The following DLGAP2 variants were observed in gnomAD, a reference collection of about 807,000 sequenced individuals.
DLGAP2 encodes DLG associated protein 2.
In DLGAP2, 26 loss-of-function variants were observed where a neutral mutation model predicts 100.3. That is an observed-to-expected ratio of 0.26 (90% CI 0.19 to 0.36). DLGAP2 has a LOEUF of 0.36. Ranked by LOEUF, DLGAP2 falls within the 10% of genes least tolerant of loss-of-function variation. DLGAP2 has a pLI of 1.00. For synonymous variants in DLGAP2, 886 were observed against 630.1 expected, an observed-to-expected ratio of 1.41 and a Z score of -6.08; for missense variants, 1,858 against 1,453.2, an observed-to-expected ratio of 1.28 and a Z score of -4.53.
intron 3 of DLGAP2, among the ~76,000 whole-genome samples, chr8:1,352,473 A>G (rs1801758642): frequency 6.6e-6 from 1 of 151,958 alleles, no homozygotes; most frequent in African/African-American, 2.4e-5. Flanking sequence ...AGCTCTTATC[A>G]CTTCCTAAAA....
rs144709901 is a variant in DLGAP2 at position 1,177,126 on chromosome 8, C to T, written c.74-81725C>T. On this transcript the variant is annotated intron_variant, in intron 2 of 14. Transcript: ENST00000637795. ...ACCTGTTATACGTGGTCTAAAAGTC[C>T]CAGCCTTCGAGTGGACGCACGCACG... 4.4e-3 allele frequency among the ~76,000 whole-genome samples: 673 copies of T among 152,216 alleles called. 9 individuals carry two copies. Among genetic ancestry groups the T allele is most frequent in the Middle Eastern group, 0.017 (5 of 294 alleles).
chr8:1,343,636 C>G (rs1218613781), intron 3 of DLGAP2, among the ~76,000 whole-genome samples: 1 of 152,186 alleles, frequency 6.6e-6, no homozygotes, highest in Admixed American at 6.5e-5. Context: ...AAATGCACGT[C>G]CTGTTTTTCC....
At chr8:959,798 A>G (rs1458113403) in intron 2 of DLGAP2, among the ~76,000 whole-genome samples, 1 of 152,190 alleles carries the variant, frequency 6.6e-6, no homozygotes, top group Non-Finnish European at 1.5e-5. Context: ...GAATATGACT[A>G]TATTCTCATT....
intron 3 of DLGAP2, among the ~76,000 whole-genome samples, chr8:1,417,827 G>A (rs953595417): frequency 6.6e-6 from 1 of 152,188 alleles, no homozygotes; most frequent in African/African-American, 2.4e-5. Context: ...TGCATTTGAA[G>A]AATTCGATTA....
chr8:1,292,988 C>G (rs1370144190), intron 3 of DLGAP2, among the ~76,000 whole-genome samples: 2 of 152,152 alleles, frequency 1.3e-5, no homozygotes, highest in African/African-American at 2.4e-5. Context: ...ACGGCTGTTC[C>G]TCGTGTCTCT....
At chr8:1,150,887 A>G (rs1180009409) in intron 2 of DLGAP2, among the ~76,000 whole-genome samples, 2 of 152,248 alleles carry the variant, frequency 1.3e-5, no homozygotes, top group Admixed American at 6.5e-5. Flanking sequence ...GACTTTAAAA[A>G]TAAGACAGAC....
At chr8:1,433,519 G>A (rs148238379) in intron 3 of DLGAP2, among the ~76,000 whole-genome samples, 1 of 152,212 alleles carries the variant, frequency 6.6e-6, no homozygotes, top group Non-Finnish European at 1.5e-5. Context: ...GTGCTGTCTG[G>A]TGAGCCCACC....
At chr8:1,383,135 C>G (rs969116938) in intron 3 of DLGAP2, among the ~76,000 whole-genome samples, 1 of 152,178 alleles carries the variant, frequency 6.6e-6, no homozygotes, top group Non-Finnish European at 1.5e-5. Flanking sequence ...GGATCATCCC[C>G]TTTATCTATT....
At chr8:922,459 G>T (rs1209678016) in intron 2 of DLGAP2, among the ~76,000 whole-genome samples, 1 of 152,158 alleles carries the variant, frequency 6.6e-6, no homozygotes, top group Non-Finnish European at 1.5e-5. Flanking sequence ...TTATTGAAAA[G>T]AAGACTCTGC....
intron 3 of DLGAP2, among the ~76,000 whole-genome samples, chr8:1,442,150 G>T (rs1228853298): frequency 6.6e-6 from 1 of 152,190 alleles, no homozygotes; most frequent in Non-Finnish European, 1.5e-5. Flanking sequence ...GGGCTGCTGT[G>T]GGTTCAGCCA....
intron 2 of DLGAP2, among the ~76,000 whole-genome samples, chr8:1,040,603 C>T (rs1452684472): frequency 6.8e-6 from 1 of 147,340 alleles, no homozygotes; most frequent in Non-Finnish European, 1.5e-5. Context: ...TGTGCGTGGT[C>T]AGCTCGGTGT....
intron 2 of DLGAP2, among the ~76,000 whole-genome samples, chr8:1,060,347 G>GTCCT: frequency 2.7e-5 from 2 of 72,798 alleles, no homozygotes; most frequent in Non-Finnish European, 6.9e-5. Context: ...CCTCCGCTGA[G>GTCCT]TGCTTGTGGA....
intron 8 of DLGAP2, among the ~76,000 whole-genome samples, chr8:1,641,374 CCTT>C (rs1462498515): frequency 1.3e-5 from 2 of 152,246 alleles, no homozygotes; most frequent in South Asian, 2.1e-4. Flanking sequence ...TAATTTGTGT[CCTT>C]CTCTTATAAA....
At chr8:1,689,570 G>A (rs545008022) in intron 12 of DLGAP2, among the ~76,000 whole-genome samples, 3 of 152,292 alleles carry the variant, frequency 2.0e-5, no homozygotes, top group Non-Finnish European at 2.9e-5. Flanking sequence ...TAGTTAAACC[G>A]CAGCACTTTC....
intron 3 of DLGAP2, among the ~76,000 whole-genome samples, chr8:1,368,134 T>C (rs961479775): frequency 1.3e-5 from 2 of 152,224 alleles, no homozygotes; most frequent in African/African-American, 4.8e-5. Flanking sequence ...TGTGCGTGTA[T>C]GCATGTGTAT....
intron 3 of DLGAP2, among the ~76,000 whole-genome samples, chr8:1,304,854 A>T (rs1800452734): frequency 6.6e-6 from 1 of 152,242 alleles, no homozygotes; most frequent in Non-Finnish European, 1.5e-5. Flanking sequence ...TGCACAGGAT[A>T]AGCTGAAAAG....
intron 4 of DLGAP2, among the ~76,000 whole-genome samples, chr8:1,527,300 G>T (rs993894814): frequency 6.6e-6 from 1 of 152,208 alleles, no homozygotes; most frequent in African/African-American, 2.4e-5. Context: ...CCATCCACCC[G>T]GCTCCAGCCA....
chr8:1,563,964 T>C (rs1215161956), intron 5 of DLGAP2, among the ~76,000 whole-genome samples: 1 of 152,218 alleles, frequency 6.6e-6, no homozygotes, highest in Non-Finnish European at 1.5e-5. Context: ...CTGAAGACCT[T>C]TTAAATATGG....
intron 2 of DLGAP2, among the ~76,000 whole-genome samples, chr8:922,145 G>A (rs1403574672): frequency 2.6e-5 from 4 of 152,220 alleles, no homozygotes; most frequent in Non-Finnish European, 5.9e-5. Flanking sequence ...CAGAGGCGCC[G>A]AGTTTTTGGT....
Sources: gnomAD v4.1 joint callset for allele counts (sites outside exome capture counted in the v4.1 genomes callset) on GRCh38, gnomAD v4.1.1 for gene constraint, MANE v1.5 for transcripts, NCBI Gene and HGNC (gene_info 2026-07-23, HGNC 2026-07-21) for gene names.